Variants in CCZ1B observed in about 807,000 individuals in gnomAD.
The protein encoded by CCZ1B is vacuolar fusion protein CCZ1 homolog B.
CCZ1B carries 25 observed loss-of-function variants against 58.8 expected under a neutral mutation model. The observed-to-expected ratio is 0.43, with a 90% CI of 0.31 to 0.59. The LOEUF (loss-of-function observed/expected upper bound fraction) is 0.59, where lower values mean the gene tolerates loss of function less well. Among genes scored for constraint, CCZ1B ranks in the 20% least tolerant of loss-of-function variants. CCZ1B has a pLI of 0.12. For missense variants in CCZ1B, 180 were observed against 501.5 expected (o/e 0.36, Z 6.12); for synonymous variants, 66 against 173.2 (o/e 0.38, Z 4.86).
At chr7:6,822,163 C>CTT (rs1249653490) in intron 6 of CCZ1B, 118 bp downstream of exon 6, 1 of 1,453,884 alleles carries the variant, frequency 6.9e-7, no homozygotes, top group African/African-American at 1.5e-5. Context: ...GTCTCAGGCT[C>CTT]TTTGCCACTT....
intron 7 of CCZ1B, among the ~76,000 whole-genome samples, chr7:6,815,629 A>T (rs1782987983): frequency 6.7e-6 from 1 of 148,886 alleles, no homozygotes; most frequent in Non-Finnish European, 1.5e-5. Flanking sequence ...TTAACATTAT[A>T]TCAAGAGGCT....
chr7:6,820,856 A>G (rs1041315837), intron 6 of CCZ1B, among the ~76,000 whole-genome samples: 1 of 145,460 alleles, frequency 6.9e-6, no homozygotes, highest in Non-Finnish European at 1.5e-5. Flanking sequence ...CTAAGGTTGC[A>G]GTGAGCCAAG....
At chr7:6,823,092 T>C (rs1172566807) in intron 5 of CCZ1B, among the ~76,000 whole-genome samples, 2 of 148,642 alleles carry the variant, frequency 1.3e-5, no homozygotes, top group African/African-American at 2.6e-5. Flanking sequence ...TGGGGACACA[T>C]TCCTACTATA....
intron 6 of CCZ1B, among the ~76,000 whole-genome samples, chr7:6,820,532 G>C (rs1351870976): frequency 2.7e-5 from 4 of 148,456 alleles, no homozygotes; most frequent in African/African-American, 5.1e-5. Flanking sequence ...GCCTAGGCTG[G>C]TCTTGAACTT....
rs1782967439 is a variant in CCZ1B at position 6,814,531 on chromosome 7, C to G, written c.780+233G>C. 1.0e-5 allele frequency: 4 copies of G among 392,304 alleles called. 1 individual carries two copies. Among genetic ancestry groups the G allele is most frequent in the Non-Finnish European group, 9.2e-6 (2 of 218,546 alleles). The allele number at this position is 392,304 out of a possible 1,614,324, so 24.3% of individuals were successfully genotyped here. On this transcript the variant is annotated intron_variant, in intron 8 of 14. Coordinates refer to ENST00000316731, the MANE Select transcript of CCZ1B (RefSeq NM_198097.5). ...CAAACAAAAACACACACAAAAAAAC[C>G]AACACACAGACACACAAAACGATGC...
chr7:6,823,607 G>A (rs548312724), intron 4 of CCZ1B, among the ~76,000 whole-genome samples: 31 of 140,742 alleles, frequency 2.2e-4, no homozygotes, highest in Non-Finnish European at 3.9e-4. Context: ...CAACATTTGC[G>A]TCCCCGGTTC....
At chr7:6,818,719 G>A (rs1303704510) in intron 7 of CCZ1B, among the ~76,000 whole-genome samples, 1 of 141,590 alleles carries the variant, frequency 7.1e-6, no homozygotes, top group Non-Finnish European at 1.5e-5. Context: ...AGACAAGAAA[G>A]AAAGAAAGAA....
chr7:6,813,703 C>T (rs1272522927), intron 8 of CCZ1B, among the ~76,000 whole-genome samples: 2 of 149,518 alleles, frequency 1.3e-5, no homozygotes, highest in East Asian at 3.9e-4. Flanking sequence ...TGCAGGAAAC[C>T]AGGAAATTAA....
At chr7:6,821,026 C>T (rs577266432) in intron 6 of CCZ1B, among the ~76,000 whole-genome samples, 10 of 149,384 alleles carry the variant, frequency 6.7e-5, no homozygotes, top group Admixed American at 4.7e-4. Flanking sequence ...ATTTCCCCCC[C>T]GAGATGGAGT....
intron 7 of CCZ1B, among the ~76,000 whole-genome samples, chr7:6,819,469 C>T (rs1274122071): frequency 1.3e-5 from 2 of 148,926 alleles, no homozygotes; most frequent in African/African-American, 5.1e-5. Flanking sequence ...CTCCTGACCT[C>T]GTGATTCACC....
chr7:6,818,727 G>GAAAGAAAT (rs1554259312), intron 7 of CCZ1B, among the ~76,000 whole-genome samples: 1,561 of 138,390 alleles, frequency 0.011, 52 homozygotes, highest in East Asian at 0.049. Flanking sequence ...AAGAAAGAAA[G>GAAAGAAAT]AAAGAAAGAA....
rs1408420955 is a variant in CCZ1B, at chr7:6,814,102, A to C, written c.780+662T>G. 4.0e-5 allele frequency among the ~76,000 whole-genome samples: 6 copies of C among 148,586 alleles called. 1 individual carries two copies. Among genetic ancestry groups the C allele is most frequent in the Non-Finnish European group, 5.9e-5 (4 of 67,450 alleles). On this transcript the variant is annotated intron_variant, in intron 8 of 14. Coordinates refer to ENST00000316731, the MANE Select transcript of CCZ1B (RefSeq NM_198097.5). The stretch of plus-strand genomic sequence containing the variant: ...CGGAAGTTGCAGTGAGCTGAGATTA[A>C]ACCACTGCACTCCAGCCTGGGCGAA...
Position 6,816,208 on chromosome 7 carries a change from G to C in CCZ1B, c.699-1363C>G, listed in dbSNP as rs978691226. On this transcript the variant is annotated intron_variant, in intron 7 of 14. Coordinates refer to ENST00000316731, the MANE Select transcript of CCZ1B (RefSeq NM_198097.5). Reference sequence around the variant, plus strand: ...AAATACCGTGAAGGTGGTCGGGCGCGGAAGCTCACACCTGTAATCCCAGCA... The same window carrying C: ...AAATACCGTGAAGGTGGTCGGGCGCCGAAGCTCACACCTGTAATCCCAGCA... Among the ~76,000 whole-genome samples, 3 of 148,662 alleles carry C rather than the reference G, an allele frequency of 2.0e-5. 1 individual carries two copies. Among genetic ancestry groups the C allele is most frequent in the Admixed American group, 2.0e-4 (3 of 14,910 alleles).
At chr7:6,804,420 G>A (rs1238225933) in intron 12 of CCZ1B, among the ~76,000 whole-genome samples, 2 of 125,122 alleles carry the variant, frequency 1.6e-5, no homozygotes, top group African/African-American at 6.1e-5. Context: ...GTGGGAATTT[G>A]TCTCAAAAAA....
intron 9 of CCZ1B, chr7:6,812,515 A>G: frequency 4.7e-6 from 1 of 212,106 alleles, no homozygotes; most frequent in Non-Finnish European, 9.4e-6. Context: ...AAAAAAAAAA[A>G]AAAAAGGGTA....
intron 9 of CCZ1B, chr7:6,812,301 C>A: frequency 2.1e-6 from 1 of 475,392 alleles, no homozygotes; most frequent in Non-Finnish European, 3.8e-6. Context: ...GCAGCCTGGC[C>A]AACATGGCAA....
At chr7:6,815,164 T>A (rs968364543) in intron 7 of CCZ1B, among the ~76,000 whole-genome samples, 2 of 133,334 alleles carry the variant, frequency 1.5e-5, no homozygotes, top group African/African-American at 5.8e-5. Context: ...AAAAAAAAAT[T>A]TTTTTTTCTT....
At chr7:6,819,999 T>C in intron 6 of CCZ1B, 58 bp from the exon 7 acceptor site, 2 of 1,344,534 alleles carry the variant, frequency 1.5e-6, no homozygotes, top group Non-Finnish European at 2.1e-6. Flanking sequence ...ATAATGCTCC[T>C]TGATAACTGA....
chr7:6,823,670 C>A (rs1379468129), intron 4 of CCZ1B, among the ~76,000 whole-genome samples: 4 of 152,014 alleles, frequency 2.6e-5, no homozygotes, highest in Non-Finnish European at 4.4e-5. Flanking sequence ...AGGTGTGCGC[C>A]ACCATCCCTG....
Sources: gnomAD v4.1 joint callset for allele counts (sites outside exome capture counted in the v4.1 genomes callset) on GRCh38, gnomAD v4.1.1 for gene constraint, MANE v1.5 for transcripts, NCBI Gene and HGNC (gene_info 2026-07-23, HGNC 2026-07-21) for gene names.